The following EPN1 variants were observed in gnomAD, a reference collection of about 807,000 sequenced individuals.
EPN1 encodes epsin 1.
EPN1 carries 25 observed loss-of-function variants against 56.9 expected under a neutral mutation model. That is an observed-to-expected ratio of 0.44 (90% confidence interval 0.32 to 0.61). The LOEUF (loss-of-function observed/expected upper bound fraction) is 0.61, where lower values mean the gene tolerates loss of function less well. Ranked by LOEUF, EPN1 falls within the 20% of genes least tolerant of loss-of-function variation. The pLI is 0.05. For synonymous variants in EPN1, 411 were observed against 361.8 expected (o/e 1.14, Z -1.54); for missense variants, 785 against 823.7 (o/e 0.95, Z 0.58).
At chr19:55,680,064 C>T (rs1279508835) in intron 2 of EPN1, among the ~76,000 whole-genome samples, 1 of 152,098 alleles carries the variant, frequency 6.6e-6, no homozygotes, top group Non-Finnish European at 1.5e-5. Context: ...GTGCCAAGGC[C>T]TGAGAGTCTG....
Position 55,691,992 on chromosome 19 carries a change from G to T in EPN1, c.1001G>T (p.Trp334Leu). ...CCTGCAGGACCCTCAGTTGACCCTT[G>T]GGGTGGGACCCCAGCCCCTGCAGCT... Reference protein sequence around the residue: ...AAPAGPSVDPWGGTPAPAAGE... With the variant: ...AAPAGPSVDPLGGTPAPAAGE... Residue 334 changes from tryptophan to leucine, a missense_variant, in exon 7 of 11, where the codon TGG becomes TTG. Coordinates refer to ENST00000270460, the MANE Select transcript of EPN1 (RefSeq NM_001130072.2). The surrounding 1 kb of genome is among the most constrained non-coding windows in gnomAD (Gnocchi z 5.6). 6.7e-7 allele frequency: 1 copy of T among 1,489,920 alleles called. No individual in the cohort carries two copies. The highest frequency in any genetic ancestry group is 2.4e-5 in the East Asian group (1 of 42,294). The allele number at this position is 1,489,920 out of a possible 1,614,324, so 92.3% of individuals were successfully genotyped here.
Position 55,691,869 on chromosome 19 carries a change from C to T in EPN1, c.878C>T (p.Ser293Leu), listed in dbSNP as rs369456197. 81 of 1,603,140 alleles carry T rather than the reference C, an allele frequency of 5.1e-5. No individual in the cohort carries two copies. The highest frequency in any genetic ancestry group is 9.9e-5 in the South Asian group (9 of 90,478). ...AAAVPTAAPT[S>L]DPWGGPPVPP... ...GCCGTCCCCACGGCTGCCCCCACCT[C>T]GGACCCCTGGGGCGGCCCCCCTGTC... The change falls in exon 7 of 11, where the codon TCG (serine) becomes TTG (leucine). Residue 293 changes from serine (S) to leucine (L), a missense_variant. Physicochemically the swap from Ser to Leu is moderately radical, Grantham distance 145. Coordinates refer to ENST00000270460, the MANE Select transcript of EPN1 (RefSeq NM_001130072.2). The surrounding 1 kb of genome is among the most constrained non-coding windows in gnomAD (Gnocchi z 5.6).
chr19:55,678,440 C>A, intron 1 of EPN1, 87 bp from the exon 2 acceptor site: 1 of 1,314,720 alleles, frequency 7.6e-7, no homozygotes, highest in Non-Finnish European at 1.0e-6. Flanking sequence ...GCCTTCTGGG[C>A]CACAGTTAGG....
Position 55,701,417 on chromosome 19 carries a change from C to G in EPN1, c.*6061C>G, listed in dbSNP as rs1365081912. On this transcript the variant is annotated 3_prime_UTR_variant, in exon 11 of 11. Coordinates refer to ENST00000270460, the MANE Select transcript of EPN1 (RefSeq NM_001130072.2). ...TGAGCCGAGATTGCACTACTGCACT[C>G]CAGCCTGGGTGACAGAGTGAGACCC... 6.6e-6 allele frequency: 1 copy of G among 151,004 alleles called. No individual in the cohort carries two copies. The highest frequency in any genetic ancestry group is 1.5e-5 in the Non-Finnish European group (1 of 67,900). The allele number at this position is 151,004 out of a possible 1,614,324, so 9.4% of individuals were successfully genotyped here.
rs1029328021 is a variant in EPN1, at chr19:55,695,411, G to A, written c.*55G>A. 1.4e-5 allele frequency: 14 copies of A among 991,036 alleles called. No individual in the cohort carries two copies. The highest frequency in any genetic ancestry group is 1.9e-5 in the Non-Finnish European group (13 of 671,894). The allele number at this position is 991,036 out of a possible 1,614,324, so 61.4% of individuals were successfully genotyped here. On this transcript the variant is annotated 3_prime_UTR_variant, in exon 11 of 11. Transcript: ENST00000270460. The surrounding 1 kb of genome is among the most constrained non-coding windows in gnomAD (Gnocchi z 4.4). ...CGGCTGCCCCATTCCGGCTCCCTGGGAGATCAGTGTTGTGAGTGCATGTGA... is the reference window on the plus strand; with the variant it reads ...CGGCTGCCCCATTCCGGCTCCCTGGAAGATCAGTGTTGTGAGTGCATGTGA...
At chr19:55,685,095 T>A (rs1438626777) in intron 2 of EPN1, among the ~76,000 whole-genome samples, 4 of 152,256 alleles carry the variant, frequency 2.6e-5, no homozygotes, top group Admixed American at 6.5e-5. Context: ...TCCGTCTCTC[T>A]GGATTTGCCC....
rs1469680006 is a variant in EPN1, at chr19:55,696,054, G to A, written c.*698G>A. 6.6e-6 allele frequency: 1 copy of A among 152,630 alleles called. No homozygotes were observed. Among genetic ancestry groups the A allele is most frequent in the Non-Finnish European group, 1.5e-5 (1 of 68,410 alleles). 9.5% of individuals were successfully genotyped at this position (152,630 alleles called of 1,614,324 possible). ...TGCTCTTGTGTTGAGGGGACACCAG[G>A]ATGAGGTCAGAGAGTGCACTGGGGT... On this transcript the variant is annotated 3_prime_UTR_variant, in exon 11 of 11. Coordinates refer to ENST00000270460, the MANE Select transcript of EPN1 (RefSeq NM_001130072.2).
At position 55,697,963 on chromosome 19, in the gene EPN1, G is replaced by A. The variant is rs965583051; in HGVS notation, c.*2607G>A. The stretch of plus-strand genomic sequence containing the variant: ...GACTTTATTCAGGACCATCGAGACA[G>A]GTACAGGTACCATCAGTGGATGGAA... On this transcript the variant is annotated 3_prime_UTR_variant, in exon 11 of 11. Transcript: ENST00000270460. 6.6e-6 allele frequency: 1 copy of A among 152,080 alleles called. No homozygotes were observed. Among genetic ancestry groups the A allele is most frequent in the Non-Finnish European group, 1.5e-5 (1 of 68,024 alleles). The allele number at this position is 152,080 out of a possible 1,614,324, so 9.4% of individuals were successfully genotyped here.
chr19:55,699,977 G>A lies in EPN1; in HGVS notation c.*4621G>A, dbSNP rs916472130. 9 of 151,708 alleles carry A rather than the reference G, an allele frequency of 5.9e-5. No homozygotes were observed. Among genetic ancestry groups the A allele is most frequent in the African/African-American group, 1.9e-4 (8 of 41,286 alleles). The allele number at this position is 151,708 out of a possible 1,614,324, so 9.4% of individuals were successfully genotyped here. A position where few individuals can be genotyped will look rare whatever the true frequency, so the allele number is the denominator to read the frequency against. On this transcript the variant is annotated 3_prime_UTR_variant, in exon 11 of 11. Transcript: ENST00000270460. ...GCTCTGTCGCCCAGGCTGGAGTGCA[G>A]TGGCTCGATCTCTGCTCACTGCAAG...
chr19:55,689,886 G>C lies in EPN1; in HGVS notation c.698G>C (p.Gly233Ala). 6.2e-7 allele frequency: 1 copy of C among 1,605,606 alleles called. No individual in the cohort carries two copies. The highest frequency in any genetic ancestry group is 1.1e-5 in the South Asian group (1 of 88,996). ...EHDKEERIRR[G>A]DDLRLQMAIE... Reference sequence around the variant, plus strand: ...CAACAGGAGGAGCGGATCCGTCGCGGGGATGACCTGCGGCTGCAGATGGCA... The same window carrying C: ...CAACAGGAGGAGCGGATCCGTCGCGCGGATGACCTGCGGCTGCAGATGGCA... The change falls in exon 6 of 11, where the codon GGG (glycine) becomes GCG (alanine). Residue 233 changes from glycine (G) to alanine (A), a missense_variant. Physicochemically the swap from Gly to Ala is moderately conservative, Grantham distance 60 (BLOSUM62 0). This residue lies in a region of EPN1 where 650 missense variants were observed against 605.0 expected (regional missense o/e 1.07). Transcript: ENST00000270460. The surrounding 1 kb of genome is among the most constrained non-coding windows in gnomAD (Gnocchi z 5.7).
In EPN1 at chr19:55,692,780, C is replaced by T. The variant is rs1301971419; in HGVS notation, c.1161C>T (p.Ser387=). 2 of 1,595,970 alleles carry T rather than the reference C, an allele frequency of 1.3e-6. No homozygotes were observed. The highest frequency in any genetic ancestry group is 3.5e-5 in the Admixed American group (2 of 56,716). The part of the protein sequence containing the change: ...DPWGGSPAKP[S]TNGTTAAGGF... ...GGGGAGGGTCACCTGCCAAGCCCAG[C>T]ACCAATGGCACAACAGGTACTGGAA... is the stretch of plus-strand genomic sequence containing the variant. Residue 387 remains serine (S), a synonymous_variant, in exon 8 of 11, where the codon AGC becomes AGT. Transcript: ENST00000270460.
At position 55,700,259 on chromosome 19, in the gene EPN1, A is replaced by G. The variant is rs1987079123; in HGVS notation, c.*4903A>G. The G allele has an allele frequency of 6.9e-6, 1 of 144,002 alleles. No homozygotes were observed. Among genetic ancestry groups the G allele is most frequent in the South Asian group, 2.2e-4 (1 of 4,600 alleles). The allele number at this position is 144,002 out of a possible 1,614,324, so 8.9% of individuals were successfully genotyped here. ...ATTTAATGACTGCTCCATAAATACA[A>G]ACTTCCTTTCCTTATTATTATTATT... On this transcript the variant is annotated 3_prime_UTR_variant, in exon 11 of 11. Transcript: ENST00000270460.
intron 3 of EPN1, among the ~76,000 whole-genome samples, chr19:55,687,476 A>T (rs2122193418): frequency 6.6e-6 from 1 of 152,072 alleles, no homozygotes; most frequent in East Asian, 1.9e-4. Flanking sequence ...TGGGCATTGG[A>T]TTTAGCCACC....
chr19:55,688,986 G>A lies in EPN1; in HGVS notation c.595G>A (p.Ala199Thr). The A allele has an allele frequency of 6.3e-7, 1 of 1,597,766 alleles. No homozygotes were observed. Among genetic ancestry groups the A allele is most frequent in the Admixed American group, 1.7e-5 (1 of 58,866 alleles). ...QLALAMSKEE[A>T]DQPPSCGPED... ...GGCCCTGGCCATGAGCAAGGAGGAG[G>A]CCGACCAGGTACTGGGCGTGCAGCT... Residue 199 changes from alanine (A) to threonine (T), a missense_variant, in exon 4 of 11, where the codon GCC (alanine) becomes ACC (threonine). This residue lies in a region of EPN1 where 650 missense variants were observed against 605.0 expected (regional missense o/e 1.07). Coordinates refer to ENST00000270460, the MANE Select transcript of EPN1 (RefSeq NM_001130072.2).
Position 55,708,085 on chromosome 19 carries a change from T to C in EPN1, c.*12729T>C, listed in dbSNP as rs182433036. 6.6e-6 allele frequency: 1 copy of C among 152,396 alleles called. No individual in the cohort carries two copies. Among genetic ancestry groups the C allele is most frequent in the East Asian group, 1.9e-4 (1 of 5,192 alleles). The allele number at this position is 152,396 out of a possible 1,614,324, so 9.4% of individuals were successfully genotyped here. On this transcript the variant is annotated 3_prime_UTR_variant, in exon 11 of 11. Transcript: ENST00000270460. ...TGCGAGCACTCTACATTGAAGATTA[T>C]AGAAAATTCAGCCTCCCAAATATCC...
Position 55,702,671 on chromosome 19 carries a change from C to T in EPN1, c.*7315C>T, listed in dbSNP as rs1987198401. On this transcript the variant is annotated 3_prime_UTR_variant, in exon 11 of 11. Transcript: ENST00000270460. ...TTGTTAGGAAGTTTTTTGCTGGGGACTCTCTTCGCCCTATCTACCTAAATG... is the reference window on the plus strand; with the variant it reads ...TTGTTAGGAAGTTTTTTGCTGGGGATTCTCTTCGCCCTATCTACCTAAATG... 1 of 152,236 alleles carries T rather than the reference C, an allele frequency of 6.6e-6. No individual in the cohort carries two copies. Among genetic ancestry groups the T allele is most frequent in the South Asian group, 2.1e-4 (1 of 4,830 alleles). 9.4% of individuals were successfully genotyped at this position (152,236 alleles called of 1,614,324 possible).
intron 2 of EPN1, among the ~76,000 whole-genome samples, chr19:55,683,120 A>G (rs993138349): frequency 3.3e-5 from 5 of 151,500 alleles, no homozygotes; most frequent in Admixed American, 1.3e-4. Context: ...CAGTGGTGCT[A>G]TCTTGGCTCA....
In EPN1 at chr19:55,689,346, G is replaced by A; in HGVS notation, c.653G>A (p.Ser218Asn). 1.9e-6 allele frequency: 3 copies of A among 1,551,844 alleles called. No homozygotes were observed. The highest frequency in any genetic ancestry group is 2.6e-6 in the Non-Finnish European group (3 of 1,147,016). Residue 218 changes from serine (S) to asparagine (N), a missense_variant, in exon 5 of 11, where the codon AGT becomes AAT. By Grantham distance (46) the Ser-to-Asn change is conservative. This residue lies in a region of EPN1 where 650 missense variants were observed against 605.0 expected (regional missense o/e 1.07). Transcript: ENST00000270460. This position sits in a 1 kb window ranked among gnomAD's most constrained non-coding sequence, Gnocchi z 5.7. Reference protein sequence around the residue: ...EDDAQLQLALSLSREEHDKEE... With the variant: ...EDDAQLQLALNLSREEHDKEE... ...GACGCCCAGCTCCAGCTGGCCCTTA[G>A]TTTGAGCCGAGAAGAGCATGATAAG...
At chr19:55,686,127 A>G (rs1162145082) in intron 3 of EPN1, among the ~76,000 whole-genome samples, 1 of 152,244 alleles carries the variant, frequency 6.6e-6, no homozygotes, top group African/African-American at 2.4e-5. Context: ...GAGCCTTGAC[A>G]GTGCCTTCTG....
Sources: allele counts gnomAD v4.1 joint callset (sites outside exome capture counted in the v4.1 genomes callset), GRCh38; gene constraint gnomAD v4.1.1; regional missense constraint gnomAD v4.1.1; non-coding constraint Gnocchi (gnomAD v3.1); transcripts MANE v1.5; gene names NCBI Gene and HGNC (gene_info 2026-07-23, HGNC 2026-07-21).